The following SPATA7 variants were observed in gnomAD, a reference collection of about 807,000 sequenced individuals.
The protein encoded by SPATA7 is spermatogenesis-associated protein 7.
SPATA7 carries 43 observed loss-of-function variants against 51.8 expected under a neutral mutation model. The observed-to-expected ratio is 0.83, with a 90% CI of 0.65 to 1.07. The LOEUF is 1.07. Among genes scored for constraint, SPATA7 ranks in the 50% least tolerant of loss-of-function variants. The pLI is 0.00. For synonymous variants in SPATA7, 230 were observed against 252.8 expected (o/e 0.91, Z 0.86); for missense variants, 683 against 701.3 (o/e 0.97, Z 0.30).
downstream of SPATA7, among the ~76,000 whole-genome samples, chr14:88,439,528 T>C (rs970107164): frequency 2.6e-5 from 4 of 152,204 alleles, no homozygotes; most frequent in Admixed American, 2.6e-4. Flanking sequence ...CCCATTTTGT[T>C]TTTATAAGCT....
Position 88,433,217 on chromosome 14 carries a change from GT to G in SPATA7, c.1160+12del, listed in dbSNP as rs765591530. 4 of 1,586,738 alleles carry G rather than the reference GT, an allele frequency of 2.5e-6. No homozygotes were observed. In the South Asian group the frequency reaches 3.3e-5, roughly 13 times the overall value. Reference sequence around the variant, plus strand: ...ACTTGGTTTATTTTCAAACAGGTTAGTTTTTTTAATGGTGTTATGTTAATTC... The same window carrying G: ...ACTTGGTTTATTTTCAAACAGGTTAGTTTTTTAATGGTGTTATGTTAATTC... On this transcript the variant is annotated splice_donor_region_variant and intron_variant, in intron 10 of 11. Transcript: ENST00000393545.
At chr14:88,416,876 A>G (rs2076494737) in intron 5 of SPATA7, 32 bp downstream of exon 5, 3 of 1,555,654 alleles carry the variant, frequency 1.9e-6, no homozygotes, top group Non-Finnish European at 2.7e-6. Flanking sequence ...TTAAAAGCAA[A>G]TGTTTCTAAG....
intron 5 of SPATA7, among the ~76,000 whole-genome samples, chr14:88,419,319 G>A (rs1341257415): frequency 6.6e-6 from 1 of 151,726 alleles, no homozygotes; most frequent in Non-Finnish European, 1.5e-5. Flanking sequence ...ACTGTGCTTT[G>A]AATTTCTTTA....
intron 4 of SPATA7, among the ~76,000 whole-genome samples, chr14:88,409,064 A>T (rs926047217): frequency 1.3e-5 from 2 of 151,640 alleles, no homozygotes; most frequent in Non-Finnish European, 2.9e-5. Flanking sequence ...TTGGCCTGAA[A>T]TTTTTTTTTC....
At chr14:88,467,281 A>G (rs1388259776) in intron 4 of SPATA7, 1 of 152,240 alleles carries the variant, frequency 6.6e-6, no homozygotes, top group Non-Finnish European at 1.5e-5. Flanking sequence ...TTTTAACAAA[A>G]AAGTGCTTAA....
At chr14:88,394,136 A>G (rs896268908) in intron 3 of SPATA7, among the ~76,000 whole-genome samples, 1 of 152,230 alleles carries the variant, frequency 6.6e-6, no homozygotes, top group African/African-American at 2.4e-5. Flanking sequence ...ATCATTTTCA[A>G]TCTTTTACAT....
Position 88,438,023 on chromosome 14 carries a change from C to T in SPATA7, c.1401C>T (p.Tyr467=). The T allele has an allele frequency of 6.2e-7, 1 of 1,614,016 alleles. No individual in the cohort carries two copies. Among genetic ancestry groups the T allele is most frequent in the South Asian group, 1.1e-5 (1 of 91,072 alleles). ...EVTIQQERQQ[Y]QKALDMLLSA... ...CAATTCAGCAGGAACGTCAACAATA[C>T]CAAAAGGCTTTGGATATGTTATTGT... The change falls in exon 12 of 12, where the codon TAC becomes TAT. Residue 467 remains tyrosine (Y), a synonymous_variant. Transcript: ENST00000393545.
intron 10 of SPATA7, among the ~76,000 whole-genome samples, chr14:88,436,379 C>T (rs1384590854): frequency 6.6e-6 from 1 of 152,082 alleles, no homozygotes; most frequent in Non-Finnish European, 1.5e-5. Context: ...TGTGGATTGT[C>T]TCTTCACTTT....
chr14:88,446,949 A>G (rs139638319), intron 3 of SPATA7, among the ~76,000 whole-genome samples: 3 of 152,348 alleles, frequency 2.0e-5, no homozygotes, highest in Admixed American at 6.5e-5. Context: ...GCTGAAAAAA[A>G]TGTACATTCT....
At chr14:88,393,582 A>G (rs2075801534) in intron 3 of SPATA7, 94 bp downstream of exon 3, 1 of 914,820 alleles carries the variant, frequency 1.1e-6, no homozygotes, top group Non-Finnish European at 1.7e-6. Flanking sequence ...TGAATACCTT[A>G]TATATATGAG....
intron 4 of SPATA7, among the ~76,000 whole-genome samples, chr14:88,397,590 C>T (rs2075923046): frequency 6.6e-6 from 1 of 150,922 alleles, no homozygotes; most frequent in Non-Finnish European, 1.5e-5. Flanking sequence ...CTGCAGTAAG[C>T]CATGATCATG....
chr14:88,438,413 G>A lies in SPATA7; in HGVS notation c.1791G>A (p.Leu597=). ...IMEMSIEDCP[L]DV ...AAATGAGCATTGAGGACTGCCCTTT[G>A]GATGTTTAATCTTCATTAATAAATA... The change falls in exon 12 of 12, where the codon TTG becomes TTA. Residue 597 remains leucine (L), a synonymous_variant. Transcript: ENST00000393545. The A allele has an allele frequency of 6.2e-7, 1 of 1,611,780 alleles. No individual in the cohort carries two copies. The highest frequency in any genetic ancestry group is 1.1e-5 in the South Asian group (1 of 90,978).
At chr14:88,397,199 C>T (rs1264853032) in intron 4 of SPATA7, among the ~76,000 whole-genome samples, 1 of 152,142 alleles carries the variant, frequency 6.6e-6, no homozygotes, top group Non-Finnish European at 1.5e-5. Flanking sequence ...GACCATATTG[C>T]TTTCTATAGC....
downstream of SPATA7, among the ~76,000 whole-genome samples, chr14:88,456,514 A>G (rs1217607950): frequency 1.3e-5 from 2 of 152,036 alleles, no homozygotes; most frequent in South Asian, 2.1e-4. Flanking sequence ...TGGCTGCATA[A>G]ATGTCTTCTT....
At chr14:88,403,521 C>T (rs564123963) in intron 4 of SPATA7, among the ~76,000 whole-genome samples, 3 of 152,064 alleles carry the variant, frequency 2.0e-5, no homozygotes, top group Non-Finnish European at 4.4e-5. Context: ...CATACACAGA[C>T]ACATGCAAAA....
intron 10 of SPATA7, among the ~76,000 whole-genome samples, chr14:88,435,038 A>G (rs1280402050): frequency 6.6e-6 from 1 of 152,214 alleles, no homozygotes; most frequent in Non-Finnish European, 1.5e-5. Flanking sequence ...CTGTGGAGCC[A>G]GACACATCTG....
At chr14:88,396,380 T>C (rs908018878) in intron 4 of SPATA7, among the ~76,000 whole-genome samples, 177 bp downstream of exon 4, 1 of 152,194 alleles carries the variant, frequency 6.6e-6, no homozygotes, top group Non-Finnish European at 1.5e-5. Flanking sequence ...AAAACTGAAA[T>C]TCCTGTGCCA....
chr14:88,467,796 A>G (rs958301343), intron 4 of SPATA7: 1 of 237,088 alleles, frequency 4.2e-6, no homozygotes, highest in Non-Finnish European at 8.2e-6. Flanking sequence ...ATGCACTTTA[A>G]TGATTGCCAG....
chr14:88,406,732 A>G (rs1172882049), intron 4 of SPATA7: 2 of 152,150 alleles, frequency 1.3e-5, no homozygotes, highest in Non-Finnish European at 2.9e-5. Context: ...TGTCATCTAC[A>G]TTAGGTATTT....
Sources: gnomAD v4.1 joint callset for allele counts (sites outside exome capture counted in the v4.1 genomes callset) on GRCh38, gnomAD v4.1.1 for gene constraint, MANE v1.5 for transcripts, NCBI Gene and HGNC (gene_info 2026-07-23, HGNC 2026-07-21) for gene names.